The following EPYC variants were observed in gnomAD, a reference collection of about 807,000 sequenced individuals.
EPYC encodes epiphycan.
A neutral mutation model predicts 30.1 loss-of-function variants in EPYC; 28 were observed. The observed-to-expected ratio is 0.93, with a 90% CI of 0.69 to 1.28. EPYC has a LOEUF of 1.28. Among genes scored for constraint, EPYC ranks in the 50% most tolerant of loss-of-function variants. The probability of loss-of-function intolerance (pLI) is 0.00; values close to 1 mark genes in which losing one functional copy is unlikely to be tolerated. For synonymous variants in EPYC, 144 were observed against 141.4 expected (o/e 1.02, Z -0.13); for missense variants, 382 against 383.5 (o/e 1.00, Z 0.03).
intron 2 of EPYC, among the ~76,000 whole-genome samples, chr12:90,980,977 G>A (rs1246580467): frequency 2.6e-5 from 4 of 152,106 alleles, no homozygotes; most frequent in African/African-American, 9.7e-5. Flanking sequence ...TACCAGCAGA[G>A]TACATCTTTG....
At chr12:91,004,231 C>CT (rs1007392795) in intron 1 of EPYC, among the ~76,000 whole-genome samples, 3 of 151,992 alleles carry the variant, frequency 2.0e-5, no homozygotes, top group Non-Finnish European at 4.4e-5. Flanking sequence ...ACTTGCTGGC[C>CT]TTTTTTCTCA....
At chr12:90,966,362 T>C (rs1876895329) in intron 6 of EPYC, among the ~76,000 whole-genome samples, 1 of 152,092 alleles carries the variant, frequency 6.6e-6, no homozygotes, top group African/African-American at 2.4e-5. Context: ...TGGTGTTGGA[T>C]TTTGTCAAAT....
intron 2 of EPYC, among the ~76,000 whole-genome samples, chr12:90,993,975 T>C (rs1877643521): frequency 6.6e-6 from 1 of 152,188 alleles, no homozygotes; most frequent in African/African-American, 2.4e-5. Flanking sequence ...ATATGTATTT[T>C]GTGAGTGAAC....
In EPYC at chr12:91,002,326, T is replaced by C. The variant is rs1303335998; in HGVS notation, c.165+75A>G. 9 of 1,291,536 alleles carry C rather than the reference T, an allele frequency of 7.0e-6. No individual in the cohort carries two copies. The East Asian group carries it at 2.2e-4, about 32-fold the overall frequency. 80.0% of individuals were successfully genotyped at this position (1,291,536 alleles called of 1,614,324 possible). ...CTACTTATAAAAAAACCCAAACATC[T>C]ATTTGAGGAAAACAGACCCAAGTCA... On this transcript the variant is annotated intron_variant, in intron 2 of 6. Coordinates refer to ENST00000261172, the MANE Select transcript of EPYC (RefSeq NM_004950.5).
At chr12:90,965,601 A>C (rs139107224) in intron 6 of EPYC, among the ~76,000 whole-genome samples, 15 of 152,238 alleles carry the variant, frequency 9.9e-5, no homozygotes, top group Admixed American at 3.9e-4. Context: ...TAGTGTATTG[A>C]AACATAATTG....
chr12:90,971,927 T>G lies in EPYC; in HGVS notation c.575A>C (p.Gln192Pro). ...IDEDAFRKLPQLRELVLRDNK... is the reference protein window; with the variant it reads ...IDEDAFRKLPPLRELVLRDNK... ...GTCACGCAGGACAAGCTCTCGAAGT[T>G]GAGGCAGTTTTCGGAATGCATCTTC... The change falls in exon 5 of 7, where the codon CAA (glutamine) becomes CCA (proline). Residue 192 changes from glutamine (Q) to proline (P), a missense_variant. Transcript: ENST00000261172. The G allele has an allele frequency of 6.2e-7, 1 of 1,611,776 alleles. No homozygotes were observed.
intron 6 of EPYC, among the ~76,000 whole-genome samples, chr12:90,967,553 A>G (rs1455650506): frequency 1.3e-5 from 2 of 152,200 alleles, no homozygotes; most frequent in Non-Finnish European, 2.9e-5. Context: ...TGTGCACTTG[A>G]GAAAAATGTG....
intron 2 of EPYC, among the ~76,000 whole-genome samples, chr12:90,996,033 T>G (rs562625602): frequency 1.3e-5 from 2 of 152,062 alleles, no homozygotes; most frequent in African/African-American, 4.8e-5. Flanking sequence ...TATGAAACTT[T>G]AAAATATACT....
intron 3 of EPYC, among the ~76,000 whole-genome samples, chr12:90,974,551 A>G (rs1454289955): frequency 1.3e-5 from 2 of 152,092 alleles, no homozygotes; most frequent in Non-Finnish European, 2.9e-5. Context: ...AGAGGAGGTG[A>G]ATTTGAATAT....
Position 91,002,483 on chromosome 12 carries a change from T to C in EPYC, c.83A>G (p.Tyr28Cys). The C allele has an allele frequency of 6.2e-7, 1 of 1,613,376 alleles. No homozygotes were observed. Among genetic ancestry groups the C allele is most frequent in the Non-Finnish European group, 8.5e-7 (1 of 1,179,552 alleles). Residue 28 changes from tyrosine (Y) to cysteine (C), a missense_variant, in exon 2 of 7, where the codon TAT (tyrosine) becomes TGT (cysteine). By Grantham distance (194) the Tyr-to-Cys change is radical. Transcript: ENST00000261172. ...GGTGGCATCATAGGTTTCTGAGTCA[T>C]AGTTGATGGACTCTAGAGTTGGGGC... ...VTAPTLESIN[Y>C]DSETYDATLE...
intron 2 of EPYC, among the ~76,000 whole-genome samples, chr12:90,980,123 A>C (rs1308722274): frequency 1.3e-5 from 2 of 152,174 alleles, no homozygotes; most frequent in African/African-American, 4.8e-5. Context: ...AGGAGGCTCC[A>C]GGAAGAGCGG....
chr12:90,991,338 A>G (rs371186976), intron 2 of EPYC, among the ~76,000 whole-genome samples: 41 of 152,306 alleles, frequency 2.7e-4, no homozygotes, highest in African/African-American at 7.2e-4. Flanking sequence ...GGAAGATCCA[A>G]TGAAAATTAT....
At position 90,978,167 on chromosome 12, in the gene EPYC, T is replaced by G. The variant is rs1877233714; in HGVS notation, c.261A>C (p.Glu87Asp). 3.1e-6 allele frequency: 5 copies of G among 1,606,946 alleles called. No homozygotes were observed. In the East Asian group the frequency reaches 1.1e-4, roughly 36 times the overall value. Residue 87 changes from glutamate to aspartate, a missense_variant, in exon 3 of 7, where the codon GAA (glutamate) becomes GAC (aspartate). By Grantham distance (45) the Glu-to-Asp change is conservative. Coordinates refer to ENST00000261172, the MANE Select transcript of EPYC (RefSeq NM_004950.5). Reference protein sequence around the residue: ...EKAQEEEEEEESTPRLIDGSS... With the variant: ...EKAQEEEEEEDSTPRLIDGSS... ...AGCCATCAATCAGCCTGGGAGTAGATTCCTCCTCCTCTTCCTCTTCCTGGG... is the reference window on the plus strand; with the variant it reads ...AGCCATCAATCAGCCTGGGAGTAGAGTCCTCCTCCTCTTCCTCTTCCTGGG...
chr12:90,995,648 G>A (rs1402003500), intron 2 of EPYC, among the ~76,000 whole-genome samples: 1 of 151,678 alleles, frequency 6.6e-6, no homozygotes, highest in African/African-American at 2.4e-5. Context: ...TCTTATGTTT[G>A]TGGTCTCATA....
chr12:90,970,749 C>T (rs1308540044), intron 5 of EPYC, among the ~76,000 whole-genome samples: 1 of 152,198 alleles, frequency 6.6e-6, no homozygotes, highest in Non-Finnish European at 1.5e-5. Context: ...CCATAGCTAC[C>T]ATTGATGGTA....
rs759673321 is a variant in EPYC at position 91,002,352 on chromosome 12, T to C, written c.165+49A>G. On this transcript the variant is annotated intron_variant, in intron 2 of 6. Coordinates refer to ENST00000261172, the MANE Select transcript of EPYC (RefSeq NM_004950.5). ...ATTTGAGGAAAACAGACCCAAGTCATTCCTCATCCTATGCTTTTTAAAGTT... is the reference window on the plus strand; with the variant it reads ...ATTTGAGGAAAACAGACCCAAGTCACTCCTCATCCTATGCTTTTTAAAGTT... The C allele has an allele frequency of 4.5e-6, 7 of 1,546,908 alleles. No homozygotes were observed. In the South Asian group the frequency reaches 8.4e-5, roughly 19 times the overall value.
chr12:90,993,750 T>G (rs1877638917), intron 2 of EPYC, among the ~76,000 whole-genome samples: 1 of 151,158 alleles, frequency 6.6e-6, no homozygotes, highest in South Asian at 2.1e-4. Flanking sequence ...TGTAATACAT[T>G]TATTATGTAT....
Position 90,971,856 on chromosome 12 carries a change from T to C in EPYC, c.646A>G (p.Ile216Val), listed in dbSNP as rs549821167. Residue 216 changes from isoleucine (I) to valine (V), a missense_variant, in exon 5 of 7, where the codon ATT becomes GTT. Physicochemically the swap from Ile to Val is conservative, Grantham distance 29 (BLOSUM62 3). Transcript: ENST00000261172. ...CCAAGTCTATTGTTGCTAATATCAA[T>C]AAATGTCAAAGTGGTTGGCAATTCT... is the stretch of plus-strand genomic sequence containing the variant. ...LPELPTTLTF[I>V]DISNNRLGRK... 1 of 1,612,584 alleles carries C rather than the reference T, an allele frequency of 6.2e-7. No individual in the cohort carries two copies. Among genetic ancestry groups the C allele is most frequent in the East Asian group, 2.2e-5 (1 of 44,756 alleles).
In EPYC at chr12:91,002,385, T is replaced by C. The variant is rs1168671035; in HGVS notation, c.165+16A>G. The C allele has an allele frequency of 1.2e-6, 2 of 1,608,104 alleles. No homozygotes were observed. The highest frequency in any genetic ancestry group is 2.2e-5 in the South Asian group (2 of 89,920). Reference sequence around the variant, plus strand: ...CCTATGCTTTTTAAAGTTTCAAGAGTAGGAGGATCGATTACCTCAACTTTA... The same window carrying C: ...CCTATGCTTTTTAAAGTTTCAAGAGCAGGAGGATCGATTACCTCAACTTTA... On this transcript the variant is annotated intron_variant, in intron 2 of 6. Coordinates refer to ENST00000261172, the MANE Select transcript of EPYC (RefSeq NM_004950.5).
Sources: gnomAD v4.1 joint callset for allele counts (sites outside exome capture counted in the v4.1 genomes callset) on GRCh38, gnomAD v4.1.1 for gene constraint, MANE v1.5 for transcripts, NCBI Gene and HGNC (gene_info 2026-07-23, HGNC 2026-07-21) for gene names.